Variants in ITSN2 observed in about 807,000 individuals in gnomAD.
ITSN2 encodes intersectin-2.
In ITSN2, 156 loss-of-function variants were observed where a neutral mutation model predicts 243.7. The ratio of observed to expected loss-of-function variants is 0.64; its 90% confidence interval spans 0.56 to 0.73. ITSN2 has a LOEUF of 0.73. ITSN2 is among the 30% of genes least tolerant of loss of function. The probability of loss-of-function intolerance (pLI) is 0.00; values close to 1 mark genes in which losing one functional copy is unlikely to be tolerated. For synonymous variants in ITSN2, 703 were observed against 699.9 expected (o/e 1.00, Z -0.07); for missense variants, 1,801 against 1,996.1 (o/e 0.90, Z 1.86).
intron 12 of ITSN2, among the ~76,000 whole-genome samples, chr2:24,299,024 ATCT>A (rs1467008895): frequency 2.1e-5 from 3 of 140,708 alleles, no homozygotes; most frequent in African/African-American, 8.2e-5. Context: ...TCTTCACGAG[ATCT>A]TTTTTTTTTT....
intron 8 of ITSN2, 88 bp from the exon 9 acceptor site, chr2:24,303,950 G>T: frequency 1.1e-6 from 1 of 908,356 alleles, no homozygotes; most frequent in South Asian, 1.3e-5. Context: ...AAATAACAAT[G>T]CTACCAGGGT....
chr2:24,333,869 G>A (rs1227327784), intron 1 of ITSN2, among the ~76,000 whole-genome samples: 4 of 152,022 alleles, frequency 2.6e-5, no homozygotes, highest in African/African-American at 9.7e-5. Flanking sequence ...GTGAAAAGTC[G>A]CTTAATTAAG....
rs1017392173 is a variant in ITSN2 at position 24,252,558 on chromosome 2, C to G, written c.2954-47G>C. The G allele has an allele frequency of 2.1e-6, 3 of 1,411,432 alleles. No homozygotes were observed. The Admixed American group carries it at 6.1e-5, about 29-fold the overall frequency. 87.4% of individuals were successfully genotyped at this position (1,411,432 alleles called of 1,614,324 possible). A position where few individuals can be genotyped will look rare whatever the true frequency, so the allele number is the denominator to read the frequency against. On this transcript the variant is annotated intron_variant, in intron 24 of 39. Transcript: ENST00000355123. ...GAAGTAGATTCTGGTTTTAAGATTA[C>G]AGAAGTGAAAAAGAAATTAGGTTAT...
chr2:24,322,489 A>G lies in ITSN2; in HGVS notation c.31+5563T>C, dbSNP rs1684690772. ...AACATGTGGAGATAATTCAAGGTGG[A>G]AAACAGTCCTTTCATCAAATGGTGC... On this transcript the variant is annotated intron_variant, in intron 2 of 39. Transcript: ENST00000355123. 1.3e-5 allele frequency among the ~76,000 whole-genome samples: 2 copies of G among 152,228 alleles called. 1 individual carries two copies. The highest frequency in any genetic ancestry group is 1.3e-4 in the Admixed American group (2 of 15,286).
intron 7 of ITSN2, 105 bp from the exon 8 acceptor site, chr2:24,308,861 AC>A: frequency 5.2e-6 from 4 of 765,922 alleles, no homozygotes; most frequent in Admixed American, 2.2e-5. Context: ...GGGGTCCTGA[AC>A]CCCCGGGCCA....
In ITSN2 at chr2:24,327,283, ATTTTCT is replaced by A. The variant is rs752889542; in HGVS notation, c.31+763_31+768del. 5.9e-4 allele frequency among the ~76,000 whole-genome samples: 90 copies of A among 151,844 alleles called. 1 individual carries two copies. Among genetic ancestry groups the A allele is most frequent in the South Asian group, 2.7e-3 (13 of 4,798 alleles). The stretch of plus-strand genomic sequence containing the variant: ...TTTTCATTATTCAAATTACCTAAGC[ATTTTCT>A]TTTTCTTTTTCTTTTTCTTTTTTTT... On this transcript the variant is annotated intron_variant, in intron 2 of 39. Transcript: ENST00000355123.
At chr2:24,330,303 T>C (rs1439651552) in intron 1 of ITSN2, 2 of 399,066 alleles carry the variant, frequency 5.0e-6, no homozygotes, top group African/African-American at 4.2e-5. Context: ...GAGAGCAACG[T>C]GAAGAAGAAG....
chr2:24,240,841 G>T (rs1672644839), intron 29 of ITSN2: 1 of 152,154 alleles, frequency 6.6e-6, no homozygotes, highest in Admixed American at 6.6e-5. Context: ...TTCAAATATA[G>T]TATAATACTG....
rs1423602748 is a variant in ITSN2 at position 24,356,367 on chromosome 2, GA to G, written c.-34+3936del. 2.1e-5 allele frequency among the ~76,000 whole-genome samples: 3 copies of G among 144,144 alleles called. No individual in the cohort carries two copies. In the East Asian group the frequency reaches 6.1e-4, roughly 29 times the overall value. 94.6% of individuals were successfully genotyped at this position (144,144 alleles called of 152,430 possible). ...TCTCAAAAAAAAAAAAAAAAAGAAA[GA>G]AAAAAAGAAACTATCATCAGAGTGA... On this transcript the variant is annotated intron_variant, in intron 1 of 39. Transcript: ENST00000355123.
intron 2 of ITSN2, among the ~76,000 whole-genome samples, chr2:24,322,271 T>C (rs868861748): frequency 6.6e-6 from 1 of 152,228 alleles, no homozygotes; most frequent in Non-Finnish European, 1.5e-5. Flanking sequence ...AGGTAACTAT[T>C]GCTATCACTG....
chr2:24,220,946 T>C lies in ITSN2; in HGVS notation c.3698A>G (p.Glu1233Gly). 1 of 1,597,084 alleles carries C rather than the reference T, an allele frequency of 6.3e-7. No individual in the cohort carries two copies. The highest frequency in any genetic ancestry group is 8.5e-7 in the Non-Finnish European group (1 of 1,172,756). ...GCTAGCCAGCAGCAGCCTCCTCACC[T>C]CGACGACGAGCTGAAGGTCAGCCAT... ...RYMADLQLVV[E>G]VFQKRMAESG... The change falls in exon 30 of 40, where the codon GAG becomes GGG. Residue 1233 changes from glutamate (E) to glycine (G), a missense_variant and splice_region_variant. By Grantham distance (98) the Glu-to-Gly change is moderately conservative. Transcript: ENST00000355123.
intron 17 of ITSN2, among the ~76,000 whole-genome samples, chr2:24,281,488 TC>T (rs763694478): frequency 1.1e-4 from 16 of 152,228 alleles, no homozygotes; most frequent in Non-Finnish European, 1.8e-4. Flanking sequence ...AACTCTTCTG[TC>T]CCTCTCTCTT....
At chr2:24,284,073 A>T (rs970249766) in intron 17 of ITSN2, among the ~76,000 whole-genome samples, 2 of 152,236 alleles carry the variant, frequency 1.3e-5, no homozygotes, top group African/African-American at 4.8e-5. Flanking sequence ...ATTGCTATCC[A>T]TTTTAGTACT....
intron 2 of ITSN2, among the ~76,000 whole-genome samples, chr2:24,327,559 A>G (rs963333174): frequency 6.6e-6 from 1 of 152,116 alleles, no homozygotes; most frequent in Admixed American, 6.6e-5. Context: ...CAGCCTCACA[A>G]AGTGCTGTAA....
At chr2:24,298,571 C>G (rs1027341531) in intron 13 of ITSN2, 94 bp downstream of exon 13, 4 of 1,189,554 alleles carry the variant, frequency 3.4e-6, no homozygotes, top group Non-Finnish European at 4.7e-6. Flanking sequence ...GCTAGGATAA[C>G]AGGTGTGAGC....
At chr2:24,274,258 T>C (rs1677740639) in intron 18 of ITSN2, among the ~76,000 whole-genome samples, 1 of 152,148 alleles carries the variant, frequency 6.6e-6, no homozygotes, top group Admixed American at 6.5e-5. Context: ...TATTATCTCG[T>C]TAGGAGGCCA....
chr2:24,337,321 T>TATATATATACACATATATATATATATAC (rs1553395918), intron 1 of ITSN2, among the ~76,000 whole-genome samples: 1 of 80,914 alleles, frequency 1.2e-5, no homozygotes, highest in African/African-American at 5.6e-5. Context: ...ACAAAATATA[T>TATATATATACACATATATATATATATAC]ATATATATAT....
At chr2:24,216,998 G>A (rs1670021217) in intron 31 of ITSN2, among the ~76,000 whole-genome samples, 1 of 151,938 alleles carries the variant, frequency 6.6e-6, no homozygotes, top group East Asian at 1.9e-4. Context: ...GCAGGAGAAT[G>A]GCGTGAACCC....
intron 29 of ITSN2, chr2:24,239,239 C>T (rs186165470): frequency 1.3e-5 from 2 of 152,436 alleles, no homozygotes; most frequent in East Asian, 3.8e-4. Context: ...AAAAGTCATT[C>T]TAAGAAAACC....
Sources: allele counts gnomAD v4.1 joint callset (sites outside exome capture counted in the v4.1 genomes callset), GRCh38; gene constraint gnomAD v4.1.1; transcripts MANE v1.5; gene names NCBI Gene and HGNC (gene_info 2026-07-23, HGNC 2026-07-21).